POGK: variants seen among roughly 807,000 people sequenced by gnomAD.
POGK encodes pogo transposable element derived with KRAB domain, also known as pogo transposable element with KRAB domain.
In POGK, 16 loss-of-function variants were observed where a neutral mutation model predicts 54.4. The ratio of observed to expected loss-of-function variants is 0.29; its 90% CI spans 0.20 to 0.45. The LOEUF (loss-of-function observed/expected upper bound fraction) is 0.45, where lower values mean the gene tolerates loss of function less well. Ranked by LOEUF, POGK falls within the 20% of genes least tolerant of loss-of-function variation. POGK has a pLI of 1.00. For synonymous variants in POGK, 271 were observed against 302.2 expected (o/e 0.90, Z 1.07); for missense variants, 515 against 795.6 (o/e 0.65, Z 4.24).
In POGK at chr1:166,849,647, G is replaced by A. The variant is rs761773497; in HGVS notation, c.1068G>A (p.Glu356=). 10 of 1,614,282 alleles carry A rather than the reference G, an allele frequency of 6.2e-6. No individual in the cohort carries two copies. Among genetic ancestry groups the A allele is most frequent in the Non-Finnish European group, 7.6e-6 (9 of 1,180,058 alleles). ...VLALRRAHDY[E]VAQMGNADET... ...CTCTGCGCAGGGCGCATGACTATGAGGTAGCTCAGATGGGGAATGCAGATG... is the reference window on the plus strand; with the variant it reads ...CTCTGCGCAGGGCGCATGACTATGAAGTAGCTCAGATGGGGAATGCAGATG... Residue 356 remains glutamate, a synonymous_variant, in exon 5 of 6, where the codon GAG becomes GAA. Coordinates refer to ENST00000367876, the MANE Select transcript of POGK (RefSeq NM_017542.5).
In POGK at chr1:166,847,576, A is replaced by C. The variant is rs140159043; in HGVS notation, c.342A>C (p.Gln114His). The C allele has an allele frequency of 2.1e-4, 339 of 1,613,638 alleles. No homozygotes were observed. The highest frequency in any genetic ancestry group is 2.4e-4 in the Non-Finnish European group (282 of 1,179,598). ...ESQNSDEWQL[Q>H]GGTSAENEES... ...AGAATTCTGACGAGTGGCAGCTCCA[A>C]GGAGGCACCTCTGCAGGTACTACAA... The change falls in exon 4 of 6, where the codon CAA (glutamine) becomes CAC (histidine). Residue 114 changes from glutamine (Q) to histidine (H), a missense_variant. By Grantham distance (24) the Gln-to-His change is conservative (BLOSUM62 0). Coordinates refer to ENST00000367876, the MANE Select transcript of POGK (RefSeq NM_017542.5).
chr1:166,849,845 C>A lies in POGK; in HGVS notation c.1266C>A (p.Ile422=), dbSNP rs748222614. 1 of 1,614,236 alleles carries A rather than the reference C, an allele frequency of 6.2e-7. No individual in the cohort carries two copies. Among genetic ancestry groups the A allele is most frequent in the Non-Finnish European group, 8.5e-7 (1 of 1,180,042 alleles). The change falls in exon 5 of 6, where the codon ATC becomes ATA. Residue 422 remains isoleucine (I), a synonymous_variant. Coordinates refer to ENST00000367876, the MANE Select transcript of POGK (RefSeq NM_017542.5). ...ACATCATTTTGAGGGGAACATATATCCCCCCGGGGAAGTTTCCCAGTGGGA... is the reference window on the plus strand; with the variant it reads ...ACATCATTTTGAGGGGAACATATATACCCCCGGGGAAGTTTCCCAGTGGGA... ...PPYIILRGTY[I]PPGKFPSGME...
chr1:166,842,647 A>G (rs1174333260), intron 2 of POGK, among the ~76,000 whole-genome samples: 1 of 151,824 alleles, frequency 6.6e-6, no homozygotes, highest in Non-Finnish European at 1.5e-5. Context: ...TTTTGCCCCC[A>G]CCCCTGGACA....
chr1:166,849,776 A>G lies in POGK; in HGVS notation c.1197A>G (p.Thr399=). ...CAGGCAGGGAAAAACTGAAAATCAC[A>G]GCAATGCTTGGTGTCTTGGCTGATG... is the stretch of plus-strand genomic sequence containing the variant. ...KTPGREKLKI[T]AMLGVLADGR... Residue 399 remains threonine (T), a synonymous_variant, in exon 5 of 6, where the codon ACA becomes ACG. Coordinates refer to ENST00000367876, the MANE Select transcript of POGK (RefSeq NM_017542.5). 6.2e-7 allele frequency: 1 copy of G among 1,614,258 alleles called. No individual in the cohort carries two copies. Among genetic ancestry groups the G allele is most frequent in the East Asian group, 2.2e-5 (1 of 44,886 alleles).
intron 4 of POGK, 80 bp from the exon 5 acceptor site, chr1:166,848,858 G>C: frequency 6.7e-7 from 1 of 1,484,148 alleles, no homozygotes; most frequent in Non-Finnish European, 9.1e-7. Flanking sequence ...GGTATTCTTA[G>C]CATTTCAACC....
intron 3 of POGK, 132 bp downstream of exon 3, chr1:166,846,870 T>C: frequency 8.0e-7 from 1 of 1,250,718 alleles, no homozygotes; most frequent in Non-Finnish European, 1.1e-6. Flanking sequence ...TCTGTGCCCA[T>C]TTATTCCAAT....
In POGK at chr1:166,854,156, CAAG is replaced by C. The variant is rs1032769144; in HGVS notation, c.*1591_*1593del. On this transcript the variant is annotated 3_prime_UTR_variant, in exon 6 of 6. Transcript: ENST00000367876. ...TTCCTTGGAGCCATAGTTACCCTGC[CAAG>C]AAGAGTAGAAAATGGGTTCAACTCC... is the stretch of plus-strand genomic sequence containing the variant. 25 of 152,712 alleles carry C rather than the reference CAAG, an allele frequency of 1.6e-4. No homozygotes were observed. The highest frequency in any genetic ancestry group is 5.5e-4 in the African/African-American group (23 of 41,548). 9.5% of individuals were successfully genotyped at this position (152,712 alleles called of 1,614,324 possible). A position where few individuals can be genotyped will look rare whatever the true frequency, so the allele number is the denominator to read the frequency against.
Position 166,850,299 on chromosome 1 carries a change from A to C in POGK, c.1720A>C (p.Ser574Arg). The C allele has an allele frequency of 6.2e-7, 1 of 1,603,100 alleles. No homozygotes were observed. Among genetic ancestry groups the C allele is most frequent in the African/African-American group, 1.3e-5 (1 of 74,866 alleles). The change falls in exon 5 of 6, where the codon AGC becomes CGC. Residue 574 changes from serine to arginine, a missense_variant. Coordinates refer to ENST00000367876, the MANE Select transcript of POGK (RefSeq NM_017542.5). ...VQGFKKCHIS[S>R]NLEEEDDVLW... ...AGGGTTCAAGAAGTGCCATATCTCC[A>C]GCAACTTGGAGGAGGAAGACGATGT... is the stretch of plus-strand genomic sequence containing the variant.
intron 2 of POGK, among the ~76,000 whole-genome samples, chr1:166,843,034 T>C (rs1012044679): frequency 1.9e-4 from 29 of 152,246 alleles, no homozygotes; most frequent in African/African-American, 5.5e-4. Flanking sequence ...TATGATAATA[T>C]ATTAGGATAA....
Position 166,850,306 on chromosome 1 carries a change from TGGA to T in POGK, c.1734_1736del (p.Glu579del). On this transcript the variant is annotated inframe_deletion, in exon 5 of 6. Transcript: ENST00000367876. Reference sequence around the variant, plus strand: ...AAGAAGTGCCATATCTCCAGCAACTTGGAGGAGGAAGACGATGTCCTGTGGGAA... The same window carrying T: ...AAGAAGTGCCATATCTCCAGCAACTTGGAGGAAGACGATGTCCTGTGGGAA... 2 of 1,607,152 alleles carry T rather than the reference TGGA, an allele frequency of 1.2e-6. No homozygotes were observed. Among genetic ancestry groups the T allele is most frequent in the African/African-American group, 1.3e-5 (1 of 74,872 alleles).
Position 166,842,931 on chromosome 1 carries a change from C to T in POGK, c.132+1843C>T, listed in dbSNP as rs535788471. 5.9e-5 allele frequency among the ~76,000 whole-genome samples: 9 copies of T among 152,040 alleles called. 1 individual carries two copies. In the South Asian group the frequency reaches 1.9e-3, roughly 32 times the overall value. ...GAGGTTGAGAAACCCTGCTCTAGAG[C>T]ATTAGAAGAAAAGAATCTGTTTTTA... On this transcript the variant is annotated intron_variant, in intron 2 of 5. Coordinates refer to ENST00000367876, the MANE Select transcript of POGK (RefSeq NM_017542.5).
Position 166,854,644 on chromosome 1 carries a change from AAG to A in POGK, c.*2076_*2077del, listed in dbSNP as rs1225434192. ...TATTGGTATCTGTGAAGACACAGGGAAGAACGTGTGCAGTGGGGCAAGTTTGA... is the reference window on the plus strand; with the variant it reads ...TATTGGTATCTGTGAAGACACAGGGAAACGTGTGCAGTGGGGCAAGTTTGA... On this transcript the variant is annotated 3_prime_UTR_variant, in exon 6 of 6. Coordinates refer to ENST00000367876, the MANE Select transcript of POGK (RefSeq NM_017542.5). 6 of 152,228 alleles carry A rather than the reference AAG, an allele frequency of 3.9e-5. No individual in the cohort carries two copies. The highest frequency in any genetic ancestry group is 1.4e-4 in the African/African-American group (6 of 41,446). 9.4% of individuals were successfully genotyped at this position (152,228 alleles called of 1,614,324 possible). A position where few individuals can be genotyped will look rare whatever the true frequency, so the allele number is the denominator to read the frequency against.
rs574213616 is a variant in POGK at position 166,854,268 on chromosome 1, C to T, written c.*1698C>T. 1 of 152,704 alleles carries T rather than the reference C, an allele frequency of 6.5e-6. No individual in the cohort carries two copies. The highest frequency in any genetic ancestry group is 2.1e-4 in the South Asian group (1 of 4,824). The allele number at this position is 152,704 out of a possible 1,614,324, so 9.5% of individuals were successfully genotyped here. On this transcript the variant is annotated 3_prime_UTR_variant, in exon 6 of 6. Coordinates refer to ENST00000367876, the MANE Select transcript of POGK (RefSeq NM_017542.5). ...CAGGTTGCATAGCACTGGAACTTTC[C>T]TAGAGTAACGGCTCTGCTGCCAGGG...
rs755359531 is a variant in POGK, at chr1:166,850,107, G to T, written c.1528G>T (p.Val510Phe). Residue 510 changes from valine (V) to phenylalanine (F), a missense_variant, in exon 5 of 6, where the codon GTC becomes TTC. This residue lies in a region of POGK where 461 missense variants were observed against 743.5 expected (regional missense o/e 0.62). Coordinates refer to ENST00000367876, the MANE Select transcript of POGK (RefSeq NM_017542.5). Reference protein sequence around the residue: ...TSQLQVLDVVVYKPLNDSVRA... With the variant: ...TSQLQVLDVVFYKPLNDSVRA... ...ACAGCTTCAGGTGCTGGATGTCGTG[G>T]TCTACAAGCCACTGAATGACAGTGT... The T allele has an allele frequency of 6.2e-7, 1 of 1,602,510 alleles. No homozygotes were observed.
chr1:166,849,257 A>G lies in POGK; in HGVS notation c.678A>G (p.Val226=). ...NNCQAAKQFG[V]LEKNVRDWRK... is the part of the protein sequence containing the mutation. The stretch of plus-strand genomic sequence containing the variant: ...GCCAGGCTGCCAAGCAGTTTGGAGT[A>G]TTGGAAAAAAACGTTCGAGACTGGC... The change falls in exon 5 of 6, where the codon GTA becomes GTG. Residue 226 remains valine (V), a synonymous_variant. Transcript: ENST00000367876. 5 of 1,614,260 alleles carry G rather than the reference A, an allele frequency of 3.1e-6. No homozygotes were observed. The highest frequency in any genetic ancestry group is 4.2e-6 in the Non-Finnish European group (5 of 1,180,054).
At chr1:166,845,999 G>A (rs1657829724) in intron 2 of POGK, among the ~76,000 whole-genome samples, 1 of 152,142 alleles carries the variant, frequency 6.6e-6, no homozygotes, top group African/African-American at 2.4e-5. Flanking sequence ...TTGTGGATTG[G>A]AAAGGCCAAA....
In POGK at chr1:166,840,990, C is replaced by T. The variant is rs1657479190; in HGVS notation, c.34C>T (p.Leu12=). Residue 12 remains leucine (L), a synonymous_variant, in exon 2 of 6, where the codon CTG becomes TTG. Coordinates refer to ENST00000367876, the MANE Select transcript of POGK (RefSeq NM_017542.5). ...CACAGCCTACCCTCTCAATTTGAGC[C>T]TGAAAGAAGAGGAAGAGGAAGAAGA... ...ESTAYPLNLS[L]KEEEEEEEIQ... 3 of 1,614,006 alleles carry T rather than the reference C, an allele frequency of 1.9e-6. No individual in the cohort carries two copies. The East Asian group carries it at 6.7e-5, about 36-fold the overall frequency.
In POGK at chr1:166,854,005, A is replaced by G. The variant is rs892919321; in HGVS notation, c.*1435A>G. ...TCTAAACCCAGCTACTTTGCATTCC[A>G]GAAGTTTCCATTCCCTCCAATTCCA... On this transcript the variant is annotated 3_prime_UTR_variant, in exon 6 of 6. Transcript: ENST00000367876. 8.5e-5 allele frequency: 13 copies of G among 152,348 alleles called. No individual in the cohort carries two copies. The highest frequency in any genetic ancestry group is 6.5e-4 in the Admixed American group (10 of 15,306). 9.4% of individuals were successfully genotyped at this position (152,348 alleles called of 1,614,324 possible).
chr1:166,849,086 C>T lies in POGK; in HGVS notation c.507C>T (p.Pro169=), dbSNP rs1314076176. 10 of 1,614,126 alleles carry T rather than the reference C, an allele frequency of 6.2e-6. No individual in the cohort carries two copies. Among genetic ancestry groups the T allele is most frequent in the Non-Finnish European group, 7.6e-6 (9 of 1,180,042 alleles). ...TELPEWSEGY[P]FYMAMGFPGY... is the part of the protein sequence containing the mutation. ...TGCCCGAGTGGAGTGAGGGGTACCCCTTCTACATGGCCATGGGCTTCCCAG... is the reference window on the plus strand; with the variant it reads ...TGCCCGAGTGGAGTGAGGGGTACCCTTTCTACATGGCCATGGGCTTCCCAG... The change falls in exon 5 of 6, where the codon CCC becomes CCT. Residue 169 remains proline (P), a synonymous_variant. Coordinates refer to ENST00000367876, the MANE Select transcript of POGK (RefSeq NM_017542.5).
Sources: allele counts gnomAD v4.1 joint callset (sites outside exome capture counted in the v4.1 genomes callset), GRCh38; gene constraint gnomAD v4.1.1; regional missense constraint gnomAD v4.1.1; transcripts MANE v1.5; gene names NCBI Gene and HGNC (gene_info 2026-07-23, HGNC 2026-07-21).